Variants in TCERG1L observed in about 807,000 individuals in gnomAD.
The protein encoded by TCERG1L is transcription elongation regulator 1 like, also known as transcription elongation regulator 1-like protein.
In TCERG1L, 37 loss-of-function variants were observed where a neutral mutation model predicts 56.3. The observed-to-expected ratio is 0.66, with a 90% CI of 0.51 to 0.87. The LOEUF is 0.87. Among genes scored for constraint, TCERG1L ranks in the 40% least tolerant of loss-of-function variants. The pLI, the probability that TCERG1L is intolerant of heterozygous loss-of-function variation, is 0.00. For missense variants in TCERG1L, 799 were observed against 774.2 expected (o/e 1.03, Z -0.38); for synonymous variants, 324 against 326.3 (o/e 0.99, Z 0.08).
chr10:131,226,620 C>T (rs181675980), intron 4 of TCERG1L, among the ~76,000 whole-genome samples: 39 of 152,328 alleles, frequency 2.6e-4, no homozygotes, highest in African/African-American at 8.4e-4. Context: ...AAGGGAGAGA[C>T]CGTCGGTGGA....
chr10:131,294,900 A>C (rs1846673401), intron 3 of TCERG1L, among the ~76,000 whole-genome samples: 1 of 151,746 alleles, frequency 6.6e-6, no homozygotes, highest in Admixed American at 6.6e-5. Flanking sequence ...CTCTGCTTTT[A>C]ATAAATGTAT....
At chr10:131,282,881 AT>A (rs1846477187) in intron 3 of TCERG1L, among the ~76,000 whole-genome samples, 1 of 152,194 alleles carries the variant, frequency 6.6e-6, no homozygotes, top group South Asian at 2.1e-4. Context: ...TGAATATTTA[AT>A]TTTTATCATA....
rs138997702 is a variant in TCERG1L at position 131,275,020 on chromosome 10, G to A, written c.671-14576C>T. Among the ~76,000 whole-genome samples, 1,158 of 152,112 alleles carry A rather than the reference G, an allele frequency of 7.6e-3. 17 individuals carry two copies. The highest frequency in any genetic ancestry group is 0.026 in the African/African-American group (1,087 of 41,488). ...GATGCTGACTCCTGATCCTGATCTC[G>A]GGCCACTGACTCCTGATCCATACTC... On this transcript the variant is annotated intron_variant, in intron 3 of 11. Transcript: ENST00000368642.
At chr10:131,209,613 GC>G (rs1484820824) in intron 4 of TCERG1L, among the ~76,000 whole-genome samples, 33 of 152,246 alleles carry the variant, frequency 2.2e-4, no homozygotes, top group Middle Eastern at 3.4e-3. Flanking sequence ...CATTTGTGAG[GC>G]CTGCTAACCT....
chr10:131,233,466 A>G (rs1040884923), intron 4 of TCERG1L, among the ~76,000 whole-genome samples: 1 of 151,752 alleles, frequency 6.6e-6, no homozygotes, highest in African/African-American at 2.4e-5. Context: ...AGACACACAC[A>G]CACACACAGA....
At chr10:131,096,276 C>T (rs1464960488) in intron 11 of TCERG1L, among the ~76,000 whole-genome samples, 3 of 152,216 alleles carry the variant, frequency 2.0e-5, no homozygotes, top group Non-Finnish European at 4.4e-5. Context: ...CCCTTGCCTC[C>T]TCCGCCTCTG....
intron 4 of TCERG1L, among the ~76,000 whole-genome samples, chr10:131,255,728 G>A (rs1044000492): frequency 2.6e-5 from 4 of 152,354 alleles, no homozygotes; most frequent in African/African-American, 7.2e-5. Context: ...CACAGGGAAC[G>A]GAGCAGCTCA....
At chr10:131,131,615 T>C (rs2133402068) in intron 8 of TCERG1L, among the ~76,000 whole-genome samples, 1 of 152,348 alleles carries the variant, frequency 6.6e-6, no homozygotes, top group Admixed American at 6.5e-5. Context: ...AAAAGTTTCA[T>C]GTGGACCTGA....
intron 9 of TCERG1L, among the ~76,000 whole-genome samples, chr10:131,105,344 C>T (rs1466219681): frequency 6.6e-6 from 1 of 152,208 alleles, no homozygotes; most frequent in Non-Finnish European, 1.5e-5. Flanking sequence ...GCTGTCCTCT[C>T]TGGAAGGACA....
chr10:131,248,854 G>A (rs779223568), intron 4 of TCERG1L, among the ~76,000 whole-genome samples: 6 of 152,174 alleles, frequency 3.9e-5, no homozygotes, highest in Non-Finnish European at 8.8e-5. Flanking sequence ...ACCGGTGCTC[G>A]CATCCAGTCT....
intron 3 of TCERG1L, among the ~76,000 whole-genome samples, chr10:131,307,848 C>A (rs1056760167): frequency 6.6e-6 from 1 of 152,114 alleles, no homozygotes; most frequent in Non-Finnish European, 1.5e-5. Flanking sequence ...ATTCCTTGCA[C>A]GTCGCCACAG....
At chr10:131,143,407 C>G (rs1845758998) in intron 7 of TCERG1L, among the ~76,000 whole-genome samples, 1 of 152,232 alleles carries the variant, frequency 6.6e-6, no homozygotes, top group Admixed American at 6.5e-5. Flanking sequence ...TATGTATTCC[C>G]TCTCTCTCCC....
chr10:131,168,075 G>A (rs1307035107), intron 4 of TCERG1L, among the ~76,000 whole-genome samples: 1 of 152,188 alleles, frequency 6.6e-6, no homozygotes, highest in Non-Finnish European at 1.5e-5. Context: ...ACTGGGCAGT[G>A]CAGTCAGGGA....
intron 4 of TCERG1L, among the ~76,000 whole-genome samples, chr10:131,242,197 G>C (rs577885344): frequency 6.6e-6 from 1 of 152,190 alleles, no homozygotes; most frequent in East Asian, 1.9e-4. Context: ...CCAGCCAGCA[G>C]AGCAATGGCA....
intron 4 of TCERG1L, among the ~76,000 whole-genome samples, chr10:131,214,027 A>G (rs1845644095): frequency 7.6e-6 from 1 of 132,208 alleles, no homozygotes; most frequent in Non-Finnish European, 1.6e-5. Context: ...CATGCTTTTA[A>G]TGTTACATAC....
chr10:131,244,263 A>C (rs1417585218), intron 4 of TCERG1L, among the ~76,000 whole-genome samples: 1 of 152,222 alleles, frequency 6.6e-6, no homozygotes, highest in Admixed American at 6.5e-5. Flanking sequence ...AGTAAAAATA[A>C]GTATGAAAAA....
intron 3 of TCERG1L, among the ~76,000 whole-genome samples, chr10:131,283,542 A>C (rs1451027292): frequency 6.6e-6 from 1 of 152,234 alleles, no homozygotes; most frequent in Non-Finnish European, 1.5e-5. Context: ...CAAAAATAAC[A>C]AAAGACAAAT....
intron 3 of TCERG1L, among the ~76,000 whole-genome samples, chr10:131,297,897 T>C (rs1846716010): frequency 6.6e-6 from 1 of 152,148 alleles, no homozygotes; most frequent in Non-Finnish European, 1.5e-5. Context: ...AGATCCATAA[T>C]AATGTCTTTT....
intron 4 of TCERG1L, among the ~76,000 whole-genome samples, chr10:131,195,359 G>T (rs1325014966): frequency 6.6e-6 from 1 of 152,172 alleles, no homozygotes; most frequent in Non-Finnish European, 1.5e-5. Context: ...CGCTTACTTG[G>T]TTTCCCCATC....
Sources: gnomAD v4.1 joint callset for allele counts (sites outside exome capture counted in the v4.1 genomes callset) on GRCh38, gnomAD v4.1.1 for gene constraint, MANE v1.5 for transcripts, NCBI Gene and HGNC (gene_info 2026-07-23, HGNC 2026-07-21) for gene names.